Variants in IMMT observed in about 807,000 individuals in gnomAD.
The protein encoded by IMMT is MICOS complex subunit MIC60.
A neutral mutation model predicts 92.7 loss-of-function variants in IMMT; 40 were observed. That is an observed-to-expected ratio of 0.43 (90% CI 0.34 to 0.56). The LOEUF is 0.56. Ranked by LOEUF, IMMT falls within the 20% of genes least tolerant of loss-of-function variation. The pLI is 0.03. For synonymous variants in IMMT, 322 were observed against 336.1 expected (o/e 0.96, Z 0.46); for missense variants, 831 against 912.1 (o/e 0.91, Z 1.14).
At chr2:86,158,520 A>C in intron 10 of IMMT, 72 bp downstream of exon 10, 2 of 1,315,952 alleles carry the variant, frequency 1.5e-6, no homozygotes, top group Admixed American at 2.1e-5. Flanking sequence ...TACAATGGAG[A>C]TGAAGCAAGT....
chr2:86,182,067 A>G (rs1223321079), intron 1 of IMMT, among the ~76,000 whole-genome samples: 2 of 150,886 alleles, frequency 1.3e-5, no homozygotes, highest in African/African-American at 2.5e-5. Context: ...ATTGGTTTTA[A>G]TAAGAGTAAA....
intron 4 of IMMT, 61 bp from the exon 5 acceptor site, chr2:86,171,406 A>C (rs777076347): frequency 2.7e-6 from 4 of 1,488,878 alleles, no homozygotes; most frequent in Non-Finnish European, 2.8e-6. Flanking sequence ...AAACACACAG[A>C]AATTTACTAC....
rs1675459969 is a variant in IMMT at position 86,151,384 on chromosome 2, C to T, written c.1314G>A (p.Lys438=). 6.2e-7 allele frequency: 1 copy of T among 1,614,016 alleles called. No homozygotes were observed. Among genetic ancestry groups the T allele is most frequent in the Non-Finnish European group, 8.5e-7 (1 of 1,179,900 alleles). The change falls in exon 12 of 15, where the codon AAG becomes AAA. Residue 438 remains lysine, a synonymous_variant. Coordinates refer to ENST00000410111, the MANE Select transcript of IMMT (RefSeq NM_006839.3). ...AGTCAAATGCCCGCTTTTCTTCCAG[C>T]TTTTGTTTCTCCAAGGCTAACGTGA... ...QHITLALEKQ[K]LEEKRAFDSA... is the part of the protein sequence containing the mutation.
At chr2:86,171,542 TG>T (rs1210393163) in intron 4 of IMMT, 197 bp from the exon 5 acceptor site, 1 of 562,564 alleles carries the variant, frequency 1.8e-6, no homozygotes, top group African/African-American at 1.9e-5. Flanking sequence ...AAATGGACAA[TG>T]GTTGGGAACG....
chr2:86,193,864 G>T (rs1349377715), intron 1 of IMMT, among the ~76,000 whole-genome samples: 1 of 152,154 alleles, frequency 6.6e-6, no homozygotes, highest in Non-Finnish European at 1.5e-5. Context: ...TCCCAAATGG[G>T]ATCCCAAAAA....
chr2:86,169,597 G>A (rs1013607363), intron 6 of IMMT, among the ~76,000 whole-genome samples: 3 of 152,076 alleles, frequency 2.0e-5, no homozygotes, highest in African/African-American at 7.2e-5. Flanking sequence ...TACATCCCAC[G>A]ACCTCCAGAG....
intron 1 of IMMT, 73 bp downstream of exon 1, chr2:86,195,265 C>T: frequency 7.0e-7 from 1 of 1,429,964 alleles, no homozygotes; most frequent in Non-Finnish European, 9.3e-7. Context: ...AGGCAGCGAC[C>T]AAGGCTCCCC....
intron 1 of IMMT, among the ~76,000 whole-genome samples, chr2:86,189,449 G>C (rs1672985821): frequency 6.6e-6 from 1 of 152,106 alleles, no homozygotes; most frequent in Admixed American, 6.5e-5. Flanking sequence ...TGGCCAGGCT[G>C]GTCTTGAACT....
intron 3 of IMMT, among the ~76,000 whole-genome samples, chr2:86,178,056 CTGTAA>C (rs1677552755): frequency 1.3e-5 from 2 of 152,172 alleles, no homozygotes; most frequent in Non-Finnish European, 2.9e-5. Flanking sequence ...TGGCTCAAGC[CTGTAA>C]TCCCAGCACT....
rs200487700 is a variant in IMMT, at chr2:86,144,351, G to A, written c.2194C>T (p.Leu732=). 8.1e-6 allele frequency: 13 copies of A among 1,613,844 alleles called. No individual in the cohort carries two copies. Among genetic ancestry groups the A allele is most frequent in the South Asian group, 2.2e-5 (2 of 91,090 alleles). The change falls in exon 15 of 15, where the codon CTA becomes TTA. Residue 732 remains leucine, a synonymous_variant. Transcript: ENST00000410111. ...QDWLKEARMT[L]ETKQIVEILT... ...ATTTCCACTATCTGTTTCGTTTCTA[G>A]GGTCATTCGGGCTTCCTTCAGCCAG...
intron 1 of IMMT, among the ~76,000 whole-genome samples, chr2:86,193,535 TGA>T (rs2105766353): frequency 6.6e-6 from 1 of 152,266 alleles, no homozygotes; most frequent in Admixed American, 6.5e-5. Flanking sequence ...ATTAAAGTTC[TGA>T]GAGTTGATGT....
chr2:86,149,574 G>A (rs780493043), intron 12 of IMMT, among the ~76,000 whole-genome samples: 8 of 152,142 alleles, frequency 5.3e-5, no homozygotes, highest in Non-Finnish European at 8.8e-5. Flanking sequence ...CCAGCACTTT[G>A]GTGTTTAAAT....
At chr2:86,192,824 A>G (rs1467852783) in intron 1 of IMMT, among the ~76,000 whole-genome samples, 2 of 152,130 alleles carry the variant, frequency 1.3e-5, no homozygotes, top group Non-Finnish European at 2.9e-5. Flanking sequence ...AGAAGAGTTC[A>G]GGGCAAAAGA....
Position 86,179,614 on chromosome 2 carries a change from G to T in IMMT, c.128C>A (p.Thr43Asn). 2 of 1,592,846 alleles carry T rather than the reference G, an allele frequency of 1.3e-6. No homozygotes were observed. The highest frequency in any genetic ancestry group is 8.5e-7 in the Non-Finnish European group (1 of 1,173,462). The stretch of plus-strand genomic sequence containing the variant: ...AAGGCCAGCTCCAGCAATTTTGCCA[G>T]TAGTCAACCTAAGTGAAAGAAACAG... Reference protein sequence around the residue: ...YSTSGSSGLTTGKIAGAGLLF... With the variant: ...YSTSGSSGLTNGKIAGAGLLF... Residue 43 changes from threonine (T) to asparagine (N), a missense_variant, in exon 3 of 15, where the codon ACT becomes AAT. Thr to Asn is a moderately conservative substitution (Grantham distance 65). Transcript: ENST00000410111.
At chr2:86,145,905 T>C (rs889501987) in intron 14 of IMMT, among the ~76,000 whole-genome samples, 163 bp downstream of exon 14, 7 of 152,246 alleles carry the variant, frequency 4.6e-5, no homozygotes, top group African/African-American at 1.7e-4. Context: ...TCTAGTTATA[T>C]AGATTTTGCC....
intron 7 of IMMT, among the ~76,000 whole-genome samples, chr2:86,163,042 C>G (rs1291054278): frequency 6.6e-6 from 1 of 151,962 alleles, no homozygotes; most frequent in Non-Finnish European, 1.5e-5. Context: ...ACCCAGAACA[C>G]TCAGGGCCTA....
rs146738697 is a variant in IMMT at position 86,156,841 on chromosome 2, G to A, written c.1162+1751C>T. Among the ~76,000 whole-genome samples the A allele has an allele frequency of 7.9e-5, 12 of 152,138 alleles. No individual in the cohort carries two copies. The East Asian group carries it at 2.3e-3, about 29-fold the overall frequency. ...TGGAGACTCCCTACTACCTACCAAT[G>A]TCAAATTTATGCCAAGGAGCTTACA... On this transcript the variant is annotated intron_variant, in intron 10 of 14. Transcript: ENST00000410111.
rs35243118 is a variant in IMMT, at chr2:86,161,512, CTTTTTTTTTTT to C, written c.896+453_896+463del. Among the ~76,000 whole-genome samples the C allele has an allele frequency of 1.9e-4, 21 of 108,456 alleles. 1 individual carries two copies. The highest frequency in any genetic ancestry group is 7.1e-4 in the African/African-American group (21 of 29,714). The allele number at this position is 108,456 out of a possible 152,430, so 71.2% of individuals were successfully genotyped here. ...TCTTTTTACACCTTTGTACAAATTC[CTTTTTTTTTTT>C]TTTTTTTTGAGACAGCGTCTCACTC... On this transcript the variant is annotated intron_variant, in intron 8 of 14. Coordinates refer to ENST00000410111, the MANE Select transcript of IMMT (RefSeq NM_006839.3).
Position 86,144,458 on chromosome 2 carries a change from T to C in IMMT, c.2087A>G (p.Tyr696Cys). Reference protein sequence around the residue: ...NTFKLLSYASYCIEHGDLELA... With the variant: ...NTFKLLSYASCCIEHGDLELA... Reference sequence around the variant, plus strand: ...CTCCAGATCACCATGCTCAATGCAATAGGAAGCATATGACAGTAATTTAAA... The same window carrying C: ...CTCCAGATCACCATGCTCAATGCAACAGGAAGCATATGACAGTAATTTAAA... The change falls in exon 15 of 15, where the codon TAT (tyrosine) becomes TGT (cysteine). Residue 696 changes from tyrosine to cysteine, a missense_variant. Physicochemically the swap from Tyr to Cys is radical, Grantham distance 194. Transcript: ENST00000410111. The C allele has an allele frequency of 6.2e-7, 1 of 1,613,930 alleles. No individual in the cohort carries two copies.
Sources: allele counts gnomAD v4.1 joint callset (sites outside exome capture counted in the v4.1 genomes callset), GRCh38; gene constraint gnomAD v4.1.1; transcripts MANE v1.5; gene names NCBI Gene and HGNC (gene_info 2026-07-23, HGNC 2026-07-21).